GALNT16: variants seen among roughly 807,000 people sequenced by gnomAD.
GALNT16 encodes the protein polypeptide N-acetylgalactosaminyltransferase 16.
In GALNT16, 40 loss-of-function variants were observed where a neutral mutation model predicts 76.1. The observed-to-expected ratio is 0.53, with a 90% CI of 0.41 to 0.68. The LOEUF (loss-of-function observed/expected upper bound fraction) is 0.68, where lower values mean the gene tolerates loss of function less well. Ranked by LOEUF, GALNT16 falls within the 30% of genes least tolerant of loss-of-function variation. GALNT16 has a pLI of 0.00. For missense variants in GALNT16, 621 were observed against 731.9 expected, an observed-to-expected ratio of 0.85 and a Z score of 1.75; for synonymous variants, 276 against 285.2, an observed-to-expected ratio of 0.97 and a Z score of 0.32.
chr14:69,301,035 C>T (rs563295593), intron 1 of GALNT16, among the ~76,000 whole-genome samples: 1 of 152,338 alleles, frequency 6.6e-6, no homozygotes, highest in East Asian at 1.9e-4. Context: ...AATTCTATCC[C>T]TGGCTTTGTT....
intron 9 of GALNT16, among the ~76,000 whole-genome samples, chr14:69,335,252 A>G (rs1488202344): frequency 6.6e-6 from 1 of 152,168 alleles, no homozygotes; most frequent in Admixed American, 6.5e-5. Flanking sequence ...ACTCAAAACC[A>G]GCTGGAGTGG....
At chr14:69,339,708 C>T (rs899611215) in intron 11 of GALNT16, 89 bp downstream of exon 11, 1 of 736,656 alleles carries the variant, frequency 1.4e-6, no homozygotes, top group Non-Finnish European at 2.3e-6. Context: ...CGCCAGGGAA[C>T]CACCCGCCAC....
At chr14:69,312,067 A>G (rs756094152) in intron 1 of GALNT16, among the ~76,000 whole-genome samples, 19 of 133,474 alleles carry the variant, frequency 1.4e-4, no homozygotes, top group African/African-American at 5.1e-4. Flanking sequence ...CTGTCTATCT[A>G]TCTATCTATC....
At chr14:69,344,402 G>T (rs1407986828) in intron 12 of GALNT16, among the ~76,000 whole-genome samples, 1 of 152,256 alleles carries the variant, frequency 6.6e-6, no homozygotes, top group Non-Finnish European at 1.5e-5. Context: ...AAACCAGTAT[G>T]TCAGTTTTCT....
intron 2 of GALNT16, among the ~76,000 whole-genome samples, chr14:69,322,925 G>GGTGTGTGTGTGTGT (rs766188989): frequency 4.2e-4 from 44 of 103,858 alleles, no homozygotes; most frequent in African/African-American, 6.6e-4. Context: ...TGGCTCACGG[G>GGTGTGTGTGTGTGT]GTGTGTGTGT....
intron 5 of GALNT16, 72 bp downstream of exon 5, chr14:69,326,099 T>G: frequency 8.6e-6 from 10 of 1,169,526 alleles, no homozygotes; most frequent in Non-Finnish European, 1.2e-5. Flanking sequence ...CCACTCTCTC[T>G]TGGTGCCGTG....
At position 69,261,418 on chromosome 14, in the gene GALNT16, C is replaced by T. The variant is rs1042031129; in HGVS notation, c.177+951C>T. On this transcript the variant is annotated intron_variant, in intron 1 of 14. Coordinates refer to ENST00000448469, the MANE Select transcript of GALNT16 (RefSeq NM_001168368.2). This position sits in a 1 kb window ranked among gnomAD's most constrained non-coding sequence, Gnocchi z 6.4. ...GAGAGTGCGCTCGAGCGGGCGCATT[C>T]TTCCAGACGGGGGCGGTTGGTGGAC... 6.6e-6 allele frequency among the ~76,000 whole-genome samples: 1 copy of T among 152,102 alleles called. No individual in the cohort carries two copies. Among genetic ancestry groups the T allele is most frequent in the Non-Finnish European group, 1.5e-5 (1 of 68,014 alleles).
chr14:69,313,626 G>A lies in GALNT16; in HGVS notation c.178-7085G>A, dbSNP rs139025788. Among the ~76,000 whole-genome samples the A allele has an allele frequency of 3.7e-4, 57 of 152,364 alleles. No homozygotes were observed. The East Asian group carries it at 7.7e-3, about 21-fold the overall frequency. Reference sequence around the variant, plus strand: ...GTGTTGGAAAGCTGTGCAGTCATCAGTACCCCTGGAGGAGTCATATTAGGA... The same window carrying A: ...GTGTTGGAAAGCTGTGCAGTCATCAATACCCCTGGAGGAGTCATATTAGGA... On this transcript the variant is annotated intron_variant, in intron 1 of 14. Transcript: ENST00000448469.
upstream of GALNT16, chr14:69,260,136 A>AACCCCCACCCC: frequency 8.8e-6 from 1 of 113,994 alleles, no homozygotes; most frequent in Non-Finnish European, 1.8e-5. Context: ...TCTCCCTATC[A>AACCCCCACCCC]CCCCCCCGCC....
chr14:69,306,236 G>A (rs2044931106), intron 1 of GALNT16, among the ~76,000 whole-genome samples: 1 of 152,112 alleles, frequency 6.6e-6, no homozygotes, highest in Non-Finnish European at 1.5e-5. Context: ...TAATTTGGCT[G>A]TTTGTTGTTA....
intron 5 of GALNT16, among the ~76,000 whole-genome samples, chr14:69,326,649 G>A (rs1282767153): frequency 6.6e-6 from 1 of 152,178 alleles, no homozygotes; most frequent in Admixed American, 6.5e-5. Flanking sequence ...GGGGAGCAAG[G>A]GAGGGCATGC....
chr14:69,299,738 A>G (rs10137786), intron 1 of GALNT16, among the ~76,000 whole-genome samples: 57,144 of 152,004 alleles, frequency 0.38, 11,598 homozygotes, highest in East Asian at 0.65. Context: ...TCTGCTTCAT[A>G]AAGCCTCCAA....
the GALNT16 span, among the ~76,000 whole-genome samples, chr14:69,362,236 AG>A: frequency 2.6e-5 from 4 of 152,168 alleles, no homozygotes; most frequent in Non-Finnish European, 5.9e-5. Context: ...CCTCCTGGCC[AG>A]GGGTATTTGT....
In GALNT16 at chr14:69,352,323, G is replaced by C. The variant is rs944446946; in HGVS notation, c.*155G>C. 2 of 737,394 alleles carry C rather than the reference G, an allele frequency of 2.7e-6. No homozygotes were observed. The highest frequency in any genetic ancestry group is 4.3e-6 in the Non-Finnish European group (2 of 464,534). 45.7% of individuals were successfully genotyped at this position (737,394 alleles called of 1,614,324 possible). On this transcript the variant is annotated 3_prime_UTR_variant, in exon 15 of 15. Coordinates refer to ENST00000448469, the MANE Select transcript of GALNT16 (RefSeq NM_001168368.2). ...CCATGACACACGTTCTCCAAAGCTTGTTCTAGGAGGGCGCAGGCGGGCACG... is the reference window on the plus strand; with the variant it reads ...CCATGACACACGTTCTCCAAAGCTTCTTCTAGGAGGGCGCAGGCGGGCACG...
intron 9 of GALNT16, among the ~76,000 whole-genome samples, chr14:69,337,808 G>A (rs569662675): frequency 3.9e-5 from 6 of 152,232 alleles, no homozygotes; most frequent in Admixed American, 3.9e-4. Flanking sequence ...TTACTGGGAG[G>A]GTCCTGACCA....
intron 12 of GALNT16, 37 bp from the exon 13 acceptor site, chr14:69,347,003 G>A (rs1191844774): frequency 6.2e-6 from 10 of 1,613,484 alleles, no homozygotes; most frequent in Non-Finnish European, 8.5e-6. Flanking sequence ...AGCCTTGGGG[G>A]GGAAAGCACA....
chr14:69,263,133 G>A (rs1029806635), intron 1 of GALNT16, among the ~76,000 whole-genome samples: 1 of 152,108 alleles, frequency 6.6e-6, no homozygotes, highest in African/African-American at 2.4e-5. Context: ...ATTCACCTCA[G>A]CCTCCTAAAG....
chr14:69,313,800 C>T (rs2045062271), intron 1 of GALNT16, among the ~76,000 whole-genome samples: 1 of 109,204 alleles, frequency 9.2e-6, no homozygotes, highest in Admixed American at 1.0e-4. Context: ...ACCATGGTGG[C>T]TCTAGCTGAG....
chr14:69,381,353 C>A, the GALNT16 span, among the ~76,000 whole-genome samples: 1 of 152,206 alleles, frequency 6.6e-6, no homozygotes, highest in Admixed American at 6.5e-5. Flanking sequence ...AAAACATGTA[C>A]TGGCAACAAA....
Sources: allele counts gnomAD v4.1 joint callset (sites outside exome capture counted in the v4.1 genomes callset), GRCh38; gene constraint gnomAD v4.1.1; non-coding constraint Gnocchi (gnomAD v3.1); transcripts MANE v1.5; gene names NCBI Gene and HGNC (gene_info 2026-07-23, HGNC 2026-07-21).